The following FRMD5 variants were observed in gnomAD, a reference collection of about 807,000 sequenced individuals.
FRMD5 encodes the protein FERM domain-containing protein 5.
Under a neutral mutation model 69.0 loss-of-function variants are expected in FRMD5, and 20 were observed. The ratio of observed to expected loss-of-function variants is 0.29; its 90% CI spans 0.20 to 0.42. FRMD5 has a LOEUF of 0.42. Ranked by LOEUF, FRMD5 falls within the 10% of genes least tolerant of loss-of-function variation. The probability of loss-of-function intolerance (pLI) is 1.00; values close to 1 mark genes in which losing one functional copy is unlikely to be tolerated. For synonymous variants in FRMD5, 271 were observed against 260.1 expected (o/e 1.04, Z -0.40); for missense variants, 595 against 708.6 (o/e 0.84, Z 1.82).
chr15:43,938,353 G>T (rs763694122), intron 1 of FRMD5, among the ~76,000 whole-genome samples: 1 of 151,980 alleles, frequency 6.6e-6, no homozygotes, highest in South Asian at 2.1e-4. Context: ...AGAAACAAAG[G>T]CTCAGTGAGG....
At chr15:43,954,782 C>G (rs2090088819) in intron 1 of FRMD5, among the ~76,000 whole-genome samples, 1 of 152,196 alleles carries the variant, frequency 6.6e-6, no homozygotes, top group Non-Finnish European at 1.5e-5. Flanking sequence ...TCCTGCAAAG[C>G]CTCAGATGAA....
chr15:43,978,749 A>G (rs4923968), intron 1 of FRMD5, among the ~76,000 whole-genome samples: 2 of 151,976 alleles, frequency 1.3e-5, no homozygotes, highest in Admixed American at 1.3e-4. Context: ...ACAGGGTTTC[A>G]CCATTTTGGC....
intron 1 of FRMD5, among the ~76,000 whole-genome samples, chr15:44,155,962 G>C (rs2077521596): frequency 6.6e-6 from 1 of 151,930 alleles, no homozygotes; most frequent in Admixed American, 6.6e-5. Context: ...AAATATGCAA[G>C]AAGTTCTCCA....
chr15:43,945,746 G>GC (rs1418360475), intron 1 of FRMD5, among the ~76,000 whole-genome samples: 3 of 152,094 alleles, frequency 2.0e-5, no homozygotes, highest in Non-Finnish European at 4.4e-5. Flanking sequence ...GCAAAACTCT[G>GC]CCCCCTGCCC....
intron 1 of FRMD5, chr15:43,989,271 C>T (rs978451114): frequency 3.7e-5 from 29 of 787,042 alleles, no homozygotes; most frequent in African/African-American, 1.5e-4. Context: ...TGCCAGGGTA[C>T]CTGGTGGTGC....
chr15:44,017,682 T>C (rs1399445832), intron 1 of FRMD5, among the ~76,000 whole-genome samples: 1 of 150,706 alleles, frequency 6.6e-6, no homozygotes, highest in Non-Finnish European at 1.5e-5. Flanking sequence ...CTCGGCTCAC[T>C]GCAAGCTCCG....
rs973403238 is a variant in FRMD5, at chr15:43,873,310, A to ATGTT, written c.*571_*574dup. On this transcript the variant is annotated 3_prime_UTR_variant, in exon 14 of 14. Transcript: ENST00000417257. ...CTTTCCATTTAATCATTCTACATGGATGTTTACTTTTTTAAAAGTTCTGGC... is the reference window on the plus strand; with the variant it reads ...CTTTCCATTTAATCATTCTACATGGATGTTTGTTTACTTTTTTAAAAGTTCTGGC... 1.5e-5 allele frequency: 22 copies of ATGTT among 1,512,424 alleles called. No homozygotes were observed. Among genetic ancestry groups the ATGTT allele is most frequent in the African/African-American group, 2.8e-5 (2 of 70,880 alleles). 93.7% of individuals were successfully genotyped at this position (1,512,424 alleles called of 1,614,324 possible).
chr15:43,884,161 CT>C (rs906558612), intron 12 of FRMD5, among the ~76,000 whole-genome samples: 2 of 152,162 alleles, frequency 1.3e-5, no homozygotes, highest in Non-Finnish European at 2.9e-5. Context: ...CCTCCCCTGA[CT>C]TCCAATAGAG....
intron 1 of FRMD5, among the ~76,000 whole-genome samples, chr15:44,140,362 A>G (rs2077251136): frequency 6.6e-6 from 1 of 152,124 alleles, no homozygotes; most frequent in East Asian, 1.9e-4. Flanking sequence ...AAACTGAACA[A>G]CAATGAAATT....
At chr15:43,896,441 A>G (rs1226134006) in intron 7 of FRMD5, among the ~76,000 whole-genome samples, 2 of 152,244 alleles carry the variant, frequency 1.3e-5, no homozygotes, top group African/African-American at 2.4e-5. Context: ...GATGTGGCCA[A>G]CGGTATTCTC....
intron 1 of FRMD5, among the ~76,000 whole-genome samples, chr15:43,940,079 C>T (rs888569160): frequency 7.2e-5 from 11 of 152,240 alleles, no homozygotes; most frequent in African/African-American, 2.6e-4. Flanking sequence ...TGTGGGGCTG[C>T]GGAGAGACAA....
chr15:44,187,567 AT>A (rs34597404), intron 1 of FRMD5, among the ~76,000 whole-genome samples: 78,255 of 145,332 alleles, frequency 0.54, 22,824 homozygotes, highest in African/African-American at 0.81. Flanking sequence ...GCTTTTGGCA[AT>A]TTTTTTTTTT....
At chr15:44,020,316 A>C (rs1053622715) in intron 1 of FRMD5, among the ~76,000 whole-genome samples, 1 of 152,118 alleles carries the variant, frequency 6.6e-6, no homozygotes, top group African/African-American at 2.4e-5. Flanking sequence ...CCCTCACCCC[A>C]GTATTGTAGC....
At chr15:44,049,806 C>A (rs1468576775) in intron 1 of FRMD5, among the ~76,000 whole-genome samples, 1 of 152,180 alleles carries the variant, frequency 6.6e-6, no homozygotes, top group Non-Finnish European at 1.5e-5. Flanking sequence ...TCTAGGTCAA[C>A]CTACTAATTC....
At chr15:44,096,999 T>C (rs1014691047) in intron 1 of FRMD5, among the ~76,000 whole-genome samples, 1 of 152,202 alleles carries the variant, frequency 6.6e-6, no homozygotes, top group Admixed American at 6.6e-5. Flanking sequence ...AAAAGCATGA[T>C]AATGAATCAA....
intron 1 of FRMD5, among the ~76,000 whole-genome samples, chr15:44,189,064 C>A (rs1311511876): frequency 6.6e-6 from 1 of 152,070 alleles, no homozygotes; most frequent in African/African-American, 2.4e-5. Context: ...CCTTCATGAG[C>A]ATGGCACGGA....
At chr15:44,162,867 CAA>C (rs371915126) in intron 1 of FRMD5, among the ~76,000 whole-genome samples, 2 of 37,282 alleles carry the variant, frequency 5.4e-5, no homozygotes, top group African/African-American at 2.0e-4. Flanking sequence ...AACTCCGTCT[CAA>C]AAAAAAAAAA....
At chr15:43,995,407 G>A (rs1889873193) in intron 1 of FRMD5, among the ~76,000 whole-genome samples, 2 of 152,210 alleles carry the variant, frequency 1.3e-5, no homozygotes, top group Admixed American at 1.3e-4. Flanking sequence ...GGATGGCCTG[G>A]TGCTGGGGTG....
At chr15:43,919,075 T>C (rs492571) in intron 4 of FRMD5, 20,202 of 330,334 alleles carry the variant, frequency 0.061, 1,124 homozygotes, top group African/African-American at 0.18. Context: ...ATTTTCCAAG[T>C]ATATCCATTA....
Sources: allele counts gnomAD v4.1 joint callset (sites outside exome capture counted in the v4.1 genomes callset), GRCh38; gene constraint gnomAD v4.1.1; transcripts MANE v1.5; gene names NCBI Gene and HGNC (gene_info 2026-07-23, HGNC 2026-07-21).